The following BMAL2 variants were observed in gnomAD, a reference collection of about 807,000 sequenced individuals.
The protein encoded by BMAL2 is basic helix-loop-helix ARNT like 2, also known as basic helix-loop-helix ARNT-like protein 2.
the BMAL2 span, among the ~76,000 whole-genome samples, chr12:27,381,030 A>T: frequency 6.6e-6 from 1 of 152,026 alleles, no homozygotes; most frequent in East Asian, 1.9e-4. Flanking sequence ...TTATTGAGAG[A>T]TTTCTATCCT....
chr12:27,391,539 C>T, the BMAL2 span, among the ~76,000 whole-genome samples: 3 of 152,188 alleles, frequency 2.0e-5, no homozygotes, highest in South Asian at 2.1e-4. Context: ...ATCTATTTTC[C>T]TTTGGGTGTA....
At chr12:27,345,825 T>C in the BMAL2 span, among the ~76,000 whole-genome samples, 26 of 152,186 alleles carry the variant, frequency 1.7e-4, no homozygotes, top group Non-Finnish European at 2.8e-4. Context: ...TTGTTCTTTT[T>C]CCCCTCTATT....
chr12:27,348,875 TAAGTG>T, the BMAL2 span, among the ~76,000 whole-genome samples: 6,995 of 152,068 alleles, frequency 0.046, 522 homozygotes, highest in African/African-American at 0.16. Context: ...AAAAGAGAAT[TAAGTG>T]AAGCAGGATG....
the BMAL2 span, among the ~76,000 whole-genome samples, chr12:27,368,659 G>C: frequency 1.3e-5 from 2 of 152,088 alleles, no homozygotes; most frequent in Admixed American, 1.3e-4. Context: ...GTTTTATTTG[G>C]TTAATGTTTA....
the BMAL2 span, among the ~76,000 whole-genome samples, chr12:27,363,523 T>TATA: frequency 6.6e-6 from 1 of 152,220 alleles, no homozygotes; most frequent in African/African-American, 2.4e-5. Context: ...CATATATTAG[T>TATA]ATATCACTAC....
At chr12:27,401,561 C>A in the BMAL2 span, 1 of 1,607,556 alleles carries the variant, frequency 6.2e-7, no homozygotes, top group South Asian at 1.1e-5. Flanking sequence ...CAGATTCCTA[C>A]AAATTCAGAG....
At chr12:27,368,342 A>G in the BMAL2 span, 5 of 1,614,114 alleles carry the variant, frequency 3.1e-6, no homozygotes, top group East Asian at 2.2e-5. Context: ...ACCAACAGCT[A>G]TGGGGTCTTT....
At chr12:27,349,050 C>T in the BMAL2 span, among the ~76,000 whole-genome samples, 1 of 152,130 alleles carries the variant, frequency 6.6e-6, no homozygotes, top group African/African-American at 2.4e-5. Flanking sequence ...ACTGAGTAAA[C>T]CTGCTTTGAG....
At chr12:27,354,895 A>G in the BMAL2 span, among the ~76,000 whole-genome samples, 1 of 152,216 alleles carries the variant, frequency 6.6e-6, no homozygotes. Flanking sequence ...TGCCAGCTCA[A>G]CAAATGATCG....
chr12:27,406,303 A>C, the BMAL2 span, among the ~76,000 whole-genome samples: 1 of 152,212 alleles, frequency 6.6e-6, no homozygotes, highest in Non-Finnish European at 1.5e-5. Flanking sequence ...AGATTCACCA[A>C]AGTTGAAATG....
At chr12:27,395,485 T>C in the BMAL2 span, among the ~76,000 whole-genome samples, 2 of 152,168 alleles carry the variant, frequency 1.3e-5, no homozygotes, top group Non-Finnish European at 2.9e-5. Flanking sequence ...TGCATAGCCC[T>C]GCTATGGTAT....
the BMAL2 span, among the ~76,000 whole-genome samples, chr12:27,342,082 G>A: frequency 6.6e-6 from 1 of 151,996 alleles, no homozygotes; most frequent in Non-Finnish European, 1.5e-5. Flanking sequence ...GACCACAGGT[G>A]TGCACCACCA....
chr12:27,346,771 A>T, the BMAL2 span, among the ~76,000 whole-genome samples: 13 of 152,114 alleles, frequency 8.5e-5, no homozygotes, highest in South Asian at 4.1e-4. Context: ...GATGGTTCGG[A>T]TGTTTGCCCC....
the BMAL2 span, chr12:27,390,600 C>G: frequency 5.5e-6 from 1 of 181,266 alleles, no homozygotes. Flanking sequence ...TTCAATAGTA[C>G]AAGAGCCTGA....
the BMAL2 span, chr12:27,390,276 C>G: frequency 6.3e-7 from 1 of 1,594,308 alleles, no homozygotes. Context: ...CAAAGCATGG[C>G]TATAAAATTA....
At chr12:27,416,118 G>A in the BMAL2 span, among the ~76,000 whole-genome samples, 1 of 152,150 alleles carries the variant, frequency 6.6e-6, no homozygotes, top group African/African-American at 2.4e-5. Context: ...TAAGAATGAA[G>A]TTGCTGGAAG....
the BMAL2 span, among the ~76,000 whole-genome samples, chr12:27,381,750 T>C: frequency 1.3e-5 from 2 of 152,140 alleles, 1 homozygote; most frequent in South Asian, 4.1e-4. Context: ...GTTTTCGATT[T>C]ACCAATGCCG....
At chr12:27,387,266 A>G in the BMAL2 span, 1 of 1,612,680 alleles carries the variant, frequency 6.2e-7, no homozygotes, top group South Asian at 1.1e-5. Context: ...GATGTGAAAG[A>G]GGAAAAATTC....
At chr12:27,365,751 A>G in the BMAL2 span, among the ~76,000 whole-genome samples, 1 of 151,462 alleles carries the variant, frequency 6.6e-6, no homozygotes, top group South Asian at 2.1e-4. Flanking sequence ...TTTCTTTGAA[A>G]AATCTTGCCA....
Sources: gnomAD v4.1 joint callset for allele counts (sites outside exome capture counted in the v4.1 genomes callset) on GRCh38, gnomAD v4.1.1 for gene constraint, MANE v1.5 for transcripts, NCBI Gene and HGNC (gene_info 2026-07-23, HGNC 2026-07-21) for gene names.